GALK2: variants seen among roughly 807,000 people sequenced by gnomAD.
GALK2 encodes N-acetylgalactosamine kinase.
GALK2 carries 36 observed loss-of-function variants against 52.4 expected under a neutral mutation model. The observed-to-expected ratio is 0.69, with a 90% CI of 0.53 to 0.91. GALK2 has a LOEUF of 0.91. GALK2 is among the 40% of genes least tolerant of loss of function. The pLI, the probability that GALK2 is intolerant of heterozygous loss-of-function variation, is 0.00. For synonymous variants in GALK2, 176 were observed against 199.1 expected, an observed-to-expected ratio of 0.88 and a Z score of 0.98; for missense variants, 579 against 559.1, an observed-to-expected ratio of 1.04 and a Z score of -0.36.
intron 3 of GALK2, among the ~76,000 whole-genome samples, chr15:49,340,403 G>GGC (rs1428334977): frequency 1.1e-5 from 1 of 94,380 alleles, no homozygotes; most frequent in Non-Finnish European, 2.2e-5. Flanking sequence ...GCAGTGCCCC[G>GGC]CCCCCCCCCT....
At chr15:49,236,659 A>G (rs1431617998) in intron 4 of GALK2, among the ~76,000 whole-genome samples, 3 of 152,252 alleles carry the variant, frequency 2.0e-5, no homozygotes, top group Non-Finnish European at 4.4e-5. Context: ...AGCCACTTTT[A>G]TATTGCAATA....
chr15:49,256,494 C>T (rs1222004016), intron 5 of GALK2, among the ~76,000 whole-genome samples: 1 of 152,130 alleles, frequency 6.6e-6, no homozygotes, highest in Non-Finnish European at 1.5e-5. Context: ...TTTCTCTAGT[C>T]ATGTAGTTAG....
intron 5 of GALK2, among the ~76,000 whole-genome samples, chr15:49,264,275 A>C (rs896438638): frequency 1.3e-5 from 2 of 151,744 alleles, no homozygotes; most frequent in Non-Finnish European, 2.9e-5. Flanking sequence ...ATTTCTTTTT[A>C]TTCTTTTTTC....
intron 3 of GALK2, among the ~76,000 whole-genome samples, chr15:49,226,972 T>C (rs982589272): frequency 2.0e-5 from 3 of 152,242 alleles, no homozygotes; most frequent in African/African-American, 4.8e-5. Context: ...AGTTTTATTC[T>C]GTTGTATCTA....
rs1279810429 is a variant in GALK2 at position 49,261,975 on chromosome 15, T to C, written c.505-20012T>C. Among the ~76,000 whole-genome samples, 3 of 152,184 alleles carry C rather than the reference T, an allele frequency of 2.0e-5. No individual in the cohort carries two copies. In the East Asian group the frequency reaches 5.8e-4, roughly 29 times the overall value. ...TGCTGCTGGATTCAGTTTGCCAGTA[T>C]TTTATTGAGGATTTTTGCATCAATG... On this transcript the variant is annotated intron_variant, in intron 5 of 9. Coordinates refer to ENST00000560031, the MANE Select transcript of GALK2 (RefSeq NM_002044.4).
chr15:49,206,270 T>C (rs1187502728), intron 2 of GALK2, among the ~76,000 whole-genome samples: 5 of 151,484 alleles, frequency 3.3e-5, no homozygotes, highest in Non-Finnish European at 7.4e-5. Context: ...ATTATTATAC[T>C]TTTTTTAGGG....
At chr15:49,229,978 T>C (rs545958724) in intron 3 of GALK2, among the ~76,000 whole-genome samples, 187 of 152,254 alleles carry the variant, frequency 1.2e-3, no homozygotes, top group Admixed American at 3.7e-3. Context: ...AGTCTGTATT[T>C]AGGGCTCGTG....
intron 1 of GALK2, among the ~76,000 whole-genome samples, chr15:49,188,061 A>G (rs2086483962): frequency 1.3e-5 from 2 of 152,144 alleles, no homozygotes; most frequent in South Asian, 4.2e-4. Context: ...GCCTATGACA[A>G]GTACTGCCTG....
At chr15:49,207,842 A>T (rs1379297184) in intron 2 of GALK2, among the ~76,000 whole-genome samples, 1 of 151,948 alleles carries the variant, frequency 6.6e-6, no homozygotes, top group Non-Finnish European at 1.5e-5. Context: ...CAGTGGTGTG[A>T]TCTCAGCTCA....
At chr15:49,340,658 T>C (rs1181029627) in intron 3 of GALK2, among the ~76,000 whole-genome samples, 1 of 152,220 alleles carries the variant, frequency 6.6e-6, no homozygotes, top group East Asian at 1.9e-4. Context: ...AGATTCTGGA[T>C]ATAAGAACTT....
chr15:49,225,473 T>C (rs1210989171), intron 3 of GALK2: 1 of 299,558 alleles, frequency 3.3e-6, no homozygotes, highest in Non-Finnish European at 6.7e-6. Context: ...GGGATCTAGG[T>C]TGCATGCTCC....
At chr15:49,225,105 G>A (rs939717332) in intron 3 of GALK2, 1 of 426,134 alleles carries the variant, frequency 2.3e-6, no homozygotes, top group Non-Finnish European at 4.7e-6. Flanking sequence ...TCTATAGTGG[G>A]GTAGGGGGAG....
intron 2 of GALK2, among the ~76,000 whole-genome samples, chr15:49,212,630 G>A (rs942447333): frequency 1.3e-5 from 2 of 151,956 alleles, no homozygotes; most frequent in Non-Finnish European, 2.9e-5. Context: ...TTTTGATGTA[G>A]GTGTTTATTG....
intron 3 of GALK2, among the ~76,000 whole-genome samples, chr15:49,352,790 C>T (rs903063043): frequency 2.6e-5 from 4 of 152,158 alleles, no homozygotes; most frequent in African/African-American, 7.2e-5. Context: ...AAAACCTCTA[C>T]CCAATCCCAA....
chr15:49,211,120 G>A (rs1595682779), intron 2 of GALK2, among the ~76,000 whole-genome samples: 2 of 152,238 alleles, frequency 1.3e-5, no homozygotes, highest in South Asian at 4.1e-4. Flanking sequence ...ATGCATAAGA[G>A]CATAGGTTGT....
chr15:49,196,697 T>C (rs2087264654), intron 1 of GALK2, among the ~76,000 whole-genome samples: 1 of 152,242 alleles, frequency 6.6e-6, no homozygotes, highest in South Asian at 2.1e-4. Flanking sequence ...TGTCTTATAA[T>C]CTCTTATTAT....
intron 5 of GALK2, among the ~76,000 whole-genome samples, chr15:49,246,856 G>A (rs893847882): frequency 6.6e-6 from 1 of 152,146 alleles, no homozygotes. Context: ...AGTGGCATTT[G>A]TTGAATACCT....
chr15:49,264,588 C>T (rs1566994739), intron 5 of GALK2, among the ~76,000 whole-genome samples: 1 of 152,214 alleles, frequency 6.6e-6, no homozygotes, highest in Non-Finnish European at 1.5e-5. Context: ...AAGTCATTCT[C>T]CATCCAGCTT....
chr15:49,263,845 A>G (rs992892681), intron 5 of GALK2, among the ~76,000 whole-genome samples: 1 of 147,514 alleles, frequency 6.8e-6, no homozygotes, highest in East Asian at 2.0e-4. Flanking sequence ...GTTTGGCTGG[A>G]TATGAAATTC....
Sources: gnomAD v4.1 joint callset for allele counts (sites outside exome capture counted in the v4.1 genomes callset) on GRCh38, gnomAD v4.1.1 for gene constraint, MANE v1.5 for transcripts, NCBI Gene and HGNC (gene_info 2026-07-23, HGNC 2026-07-21) for gene names.